The following CEP128 variants were observed in gnomAD, a reference collection of about 807,000 sequenced individuals.
The protein encoded by CEP128 is centrosomal protein 128kDa.
In CEP128, 132 loss-of-function variants were observed where a neutral mutation model predicts 156.7. The observed-to-expected ratio is 0.84, with a 90% CI of 0.73 to 0.97. The LOEUF is 0.97. CEP128 is among the 50% of genes least tolerant of loss of function. The probability of loss-of-function intolerance (pLI) is 0.00; values close to 1 mark genes in which losing one functional copy is unlikely to be tolerated. For synonymous variants in CEP128, 469 were observed against 448.9 expected (o/e 1.04, Z -0.57); for missense variants, 1,252 against 1,281.9 (o/e 0.98, Z 0.36).
intron 21 of CEP128, among the ~76,000 whole-genome samples, chr14:80,554,652 A>T (rs1314013351): frequency 6.6e-6 from 1 of 152,010 alleles, no homozygotes; most frequent in Non-Finnish European, 1.5e-5. Flanking sequence ...ATTATTCAGA[A>T]CACTTTGTTA....
intron 19 of CEP128, among the ~76,000 whole-genome samples, chr14:80,602,852 G>C (rs1177635729): frequency 6.6e-6 from 1 of 152,074 alleles, no homozygotes; most frequent in Non-Finnish European, 1.5e-5. Flanking sequence ...AATGATTTTA[G>C]AAAGTAGTAA....
At chr14:80,784,282 GAA>G (rs34067954) in intron 15 of CEP128, among the ~76,000 whole-genome samples, 115 of 137,374 alleles carry the variant, frequency 8.4e-4, no homozygotes, top group South Asian at 7.1e-3. Context: ...CACGTGTTAT[GAA>G]AAAAAAAAAA....
chr14:80,531,842 T>C (rs868681709), intron 21 of CEP128, among the ~76,000 whole-genome samples: 40 of 152,216 alleles, frequency 2.6e-4, no homozygotes, highest in African/African-American at 9.4e-4. Context: ...CTGTGAAAGG[T>C]TCTGAACAAT....
chr14:80,636,485 GC>G (rs1566825804), intron 19 of CEP128, among the ~76,000 whole-genome samples: 1 of 151,984 alleles, frequency 6.6e-6, no homozygotes, highest in Non-Finnish European at 1.5e-5. Flanking sequence ...TTGCCTCCAG[GC>G]TTTGCAGAAA....
At chr14:80,828,796 C>G (rs1018371286) in intron 13 of CEP128, among the ~76,000 whole-genome samples, 1 of 152,122 alleles carries the variant, frequency 6.6e-6, no homozygotes. Context: ...ATCATAAGAA[C>G]TGTTACTATA....
At chr14:80,892,047 C>A (rs1889126155) in intron 8 of CEP128, among the ~76,000 whole-genome samples, 1 of 151,208 alleles carries the variant, frequency 6.6e-6, no homozygotes, top group Non-Finnish European at 1.5e-5. Flanking sequence ...TAATGGCATT[C>A]CTCACAGGAA....
At position 80,661,208 on chromosome 14, in the gene CEP128, C is replaced by A. The variant is rs543410293; in HGVS notation, c.2807-80785G>T. On this transcript the variant is annotated intron_variant, in intron 19 of 24. Transcript: ENST00000555265. The stretch of plus-strand genomic sequence containing the variant: ...TTAAAATAAAACGTGCTCCCCCCCA[C>A]AGAAAAATCAACAGCATCCATCTTT... 7.9e-5 allele frequency among the ~76,000 whole-genome samples: 12 copies of A among 152,190 alleles called. No individual in the cohort carries two copies. The East Asian group carries it at 2.3e-3, about 29-fold the overall frequency.
chr14:80,608,898 T>A (rs976630086), intron 19 of CEP128, among the ~76,000 whole-genome samples: 1 of 152,194 alleles, frequency 6.6e-6, no homozygotes, highest in Non-Finnish European at 1.5e-5. Flanking sequence ...CCCCTATTAA[T>A]TGAGAGCTCT....
intron 19 of CEP128, among the ~76,000 whole-genome samples, chr14:80,607,162 T>C (rs1390478567): frequency 2.0e-5 from 3 of 152,038 alleles, no homozygotes; most frequent in Admixed American, 6.6e-5. Context: ...AAATGTGTTA[T>C]GTACATATTT....
At chr14:80,955,368 A>C in intron 2 of CEP128, 1 of 459,348 alleles carries the variant, frequency 2.2e-6, no homozygotes, top group East Asian at 4.5e-5. Context: ...GCGGGCTGGA[A>C]AACAGAGGGG....
intron 16 of CEP128, among the ~76,000 whole-genome samples, chr14:80,772,465 T>A (rs767807308): frequency 2.0e-5 from 3 of 152,108 alleles, no homozygotes; most frequent in Non-Finnish European, 2.9e-5. Flanking sequence ...GCCACCTCCA[T>A]CACTCAATAA....
intron 19 of CEP128, among the ~76,000 whole-genome samples, chr14:80,619,707 T>TAAA (rs200840072): frequency 1.0e-5 from 1 of 99,384 alleles, no homozygotes; most frequent in South Asian, 2.9e-4. Context: ...TGTCTCAAGT[T>TAAA]AAAAAAAAAA....
At chr14:80,637,693 G>A (rs1216686493) in intron 19 of CEP128, among the ~76,000 whole-genome samples, 1 of 152,128 alleles carries the variant, frequency 6.6e-6, no homozygotes, top group East Asian at 1.9e-4. Flanking sequence ...CGTGAAACCT[G>A]TGAATGTTAT....
At chr14:80,490,359 G>A (rs1266294432), downstream of CEP128, 1 of 152,142 alleles carries the variant, frequency 6.6e-6, no homozygotes, top group African/African-American at 2.4e-5. Flanking sequence ...GTGAGCCACT[G>A]GTATAGAGAA....
intron 14 of CEP128, among the ~76,000 whole-genome samples, chr14:80,480,162 A>G (rs1887023227): frequency 6.6e-6 from 1 of 152,080 alleles, no homozygotes. Context: ...CCCTCTTCTC[A>G]CAGCTCCACT....
chr14:80,862,805 C>T lies in CEP128; in HGVS notation c.714G>A (p.Val238=), dbSNP rs747109662. Residue 238 remains valine, a synonymous_variant, in exon 9 of 25, where the codon GTG becomes GTA. Transcript: ENST00000555265. ...GTCCCAGTTGATCCTGGCGTCTTTC[C>T]ACCAGCTCCCTTTCTGTGCGCATCT... ...EREMRTEREL[V]ERRQDQLGLM... The T allele has an allele frequency of 9.9e-6, 16 of 1,613,886 alleles. No individual in the cohort carries two copies. Among genetic ancestry groups the T allele is most frequent in the Non-Finnish European group, 1.4e-5 (16 of 1,179,948 alleles).
At chr14:80,501,403 G>C (rs746813462) in intron 24 of CEP128, among the ~76,000 whole-genome samples, 3 of 152,112 alleles carry the variant, frequency 2.0e-5, no homozygotes, top group Non-Finnish European at 4.4e-5. Context: ...ACTTCAGAGA[G>C]AGAAAATCAT....
intron 19 of CEP128, among the ~76,000 whole-genome samples, chr14:80,625,007 A>T (rs1243370362): frequency 6.6e-6 from 1 of 152,148 alleles, no homozygotes; most frequent in African/African-American, 2.4e-5. Flanking sequence ...CAAACTCCTG[A>T]AGTATATTCC....
At chr14:80,903,011 C>G (rs900408026) in intron 6 of CEP128, among the ~76,000 whole-genome samples, 7 of 152,110 alleles carry the variant, frequency 4.6e-5, no homozygotes, top group African/African-American at 1.7e-4. Flanking sequence ...TATTAACAAT[C>G]TTACATTCAT....
Sources: allele counts gnomAD v4.1 joint callset (sites outside exome capture counted in the v4.1 genomes callset), GRCh38; gene constraint gnomAD v4.1.1; transcripts MANE v1.5; gene names NCBI Gene and HGNC (gene_info 2026-07-23, HGNC 2026-07-21).